Variants in TRUB1 observed in about 807,000 individuals in gnomAD.
TRUB1 encodes the protein TruB pseudouridine synthase family member 1, also known as pseudouridylate synthase TRUB1.
Under a neutral mutation model 33.9 loss-of-function variants are expected in TRUB1, and 23 were observed. The ratio of observed to expected loss-of-function variants is 0.68; its 90% CI spans 0.49 to 0.96. TRUB1 has a LOEUF of 0.96. Among genes scored for constraint, TRUB1 ranks in the 40% least tolerant of loss-of-function variants. TRUB1 has a pLI of 0.00. For missense variants in TRUB1, 378 were observed against 422.2 expected, an observed-to-expected ratio of 0.90 and a Z score of 0.92; for synonymous variants, 163 against 165.4, an observed-to-expected ratio of 0.99 and a Z score of 0.11.
chr10:114,976,112 A>C lies in TRUB1; in HGVS notation c.*733A>C, dbSNP rs1274801313. 1 of 152,616 alleles carries C rather than the reference A, an allele frequency of 6.6e-6. No individual in the cohort carries two copies. The highest frequency in any genetic ancestry group is 1.5e-5 in the Non-Finnish European group (1 of 68,014). The allele number at this position is 152,616 out of a possible 1,614,324, so 9.5% of individuals were successfully genotyped here. On this transcript the variant is annotated 3_prime_UTR_variant, in exon 8 of 8. Coordinates refer to ENST00000298746, the MANE Select transcript of TRUB1 (RefSeq NM_139169.5). ...GCAGCTATGAGATATTTTCATGGTA[A>C]TGTCAACATGGTCAAGCACTTTGTA...
chr10:114,951,919 T>A (rs565084343), intron 3 of TRUB1, among the ~76,000 whole-genome samples: 1 of 152,208 alleles, frequency 6.6e-6, no homozygotes, highest in Non-Finnish European at 1.5e-5. Flanking sequence ...GTGATATAAA[T>A]TGTTGATAAA....
chr10:114,972,632 C>T lies in TRUB1; in HGVS notation c.736+358C>T, dbSNP rs189268371. On this transcript the variant is annotated intron_variant, in intron 6 of 7. Coordinates refer to ENST00000298746, the MANE Select transcript of TRUB1 (RefSeq NM_139169.5). ...TATTATCTTTTGGATGCTTTTCCTCCCATTTTGGCTAGTACCTAATACATT... is the reference window on the plus strand; with the variant it reads ...TATTATCTTTTGGATGCTTTTCCTCTCATTTTGGCTAGTACCTAATACATT... Among the ~76,000 whole-genome samples, 931 of 152,082 alleles carry T rather than the reference C, an allele frequency of 6.1e-3. 5 individuals carry two copies. The highest frequency in any genetic ancestry group is 0.011 in the South Asian group (51 of 4,790).
intron 2 of TRUB1, among the ~76,000 whole-genome samples, chr10:114,945,407 A>G (rs531902297): frequency 1.3e-5 from 2 of 152,322 alleles, no homozygotes; most frequent in Admixed American, 6.5e-5. Context: ...ACTGTTTTCC[A>G]GGCATGGCAC....
intron 3 of TRUB1, among the ~76,000 whole-genome samples, chr10:114,954,335 G>A (rs2084251909): frequency 6.6e-6 from 1 of 152,098 alleles, no homozygotes; most frequent in Non-Finnish European, 1.5e-5. Flanking sequence ...ATTGAACATG[G>A]CCTAACATTT....
chr10:114,976,503 C>T lies in TRUB1; in HGVS notation c.*1124C>T, dbSNP rs1394986930. 6.6e-6 allele frequency: 1 copy of T among 152,098 alleles called. No individual in the cohort carries two copies. The highest frequency in any genetic ancestry group is 1.9e-4 in the East Asian group (1 of 5,202). The allele number at this position is 152,098 out of a possible 1,614,324, so 9.4% of individuals were successfully genotyped here. ...GAAAGCAATATATTATGCAGCCAGTCTGTAGAAACATTCAGATCCCTCTTC... is the reference window on the plus strand; with the variant it reads ...GAAAGCAATATATTATGCAGCCAGTTTGTAGAAACATTCAGATCCCTCTTC... On this transcript the variant is annotated 3_prime_UTR_variant, in exon 8 of 8. Transcript: ENST00000298746.
intron 1 of TRUB1, among the ~76,000 whole-genome samples, chr10:114,940,957 T>C (rs1306189565): frequency 6.6e-6 from 1 of 152,164 alleles, no homozygotes; most frequent in Non-Finnish European, 1.5e-5. Context: ...CCAGAGACCA[T>C]GGTTCTGACT....
At chr10:114,958,013 GC>G (rs1413063595) in intron 3 of TRUB1, among the ~76,000 whole-genome samples, 2 of 152,126 alleles carry the variant, frequency 1.3e-5, no homozygotes, top group South Asian at 4.1e-4. Flanking sequence ...ATTTACCAGG[GC>G]TAGATATTGT....
At chr10:114,957,389 C>G (rs1030258088) in intron 3 of TRUB1, among the ~76,000 whole-genome samples, 3 of 152,186 alleles carry the variant, frequency 2.0e-5, no homozygotes, top group African/African-American at 7.2e-5. Flanking sequence ...TACACTGTAA[C>G]CTCTTAGAGG....
At chr10:114,945,668 GT>G (rs1302357577) in intron 2 of TRUB1, among the ~76,000 whole-genome samples, 1 of 152,068 alleles carries the variant, frequency 6.6e-6, no homozygotes, top group African/African-American at 2.4e-5. Flanking sequence ...AACATCATGA[GT>G]TTTTTTGTGA....
chr10:114,973,293 G>GA (rs749449341), intron 6 of TRUB1, among the ~76,000 whole-genome samples: 3 of 152,132 alleles, frequency 2.0e-5, no homozygotes, highest in Non-Finnish European at 2.9e-5. Context: ...ATGAAAGCAA[G>GA]AAAAAACTCA....
rs570417032 is a variant in TRUB1 at position 114,975,408 on chromosome 10, A to G, written c.*29A>G. Reference sequence around the variant, plus strand: ...TGGCCTGGGAATATCATCATTTTCTAGTTGACATTTGAATCCTGTGTGCAG... The same window carrying G: ...TGGCCTGGGAATATCATCATTTTCTGGTTGACATTTGAATCCTGTGTGCAG... On this transcript the variant is annotated 3_prime_UTR_variant, in exon 8 of 8. Transcript: ENST00000298746. 2 of 1,512,580 alleles carry G rather than the reference A, an allele frequency of 1.3e-6. No individual in the cohort carries two copies. Among genetic ancestry groups the G allele is most frequent in the East Asian group, 4.6e-5 (2 of 43,332 alleles). 93.7% of individuals were successfully genotyped at this position (1,512,580 alleles called of 1,614,324 possible). A position where few individuals can be genotyped will look rare whatever the true frequency, so the allele number is the denominator to read the frequency against.
chr10:114,954,629 GATC>G (rs2084253779), intron 3 of TRUB1, among the ~76,000 whole-genome samples: 1 of 150,312 alleles, frequency 6.7e-6, no homozygotes, highest in South Asian at 2.1e-4. Context: ...TTCTGCCAGT[GATC>G]ATATTTCTCA....
intron 1 of TRUB1, among the ~76,000 whole-genome samples, chr10:114,940,560 G>A (rs971725788): frequency 2.0e-5 from 3 of 152,022 alleles, no homozygotes; most frequent in Admixed American, 1.3e-4. Context: ...TTGTCTGTTG[G>A]GATCCTTCAA....
At chr10:114,943,550 AAC>A (rs1564697106) in intron 2 of TRUB1, among the ~76,000 whole-genome samples, 1 of 151,990 alleles carries the variant, frequency 6.6e-6, no homozygotes, top group Non-Finnish European at 1.5e-5. Context: ...AACAAAACAA[AAC>A]ACAGCTTTGG....
intron 3 of TRUB1, among the ~76,000 whole-genome samples, chr10:114,955,693 G>A (rs1275166591): frequency 6.6e-6 from 1 of 152,090 alleles, no homozygotes; most frequent in Non-Finnish European, 1.5e-5. Flanking sequence ...TCTAAAGTGT[G>A]GCTTGAGTAA....
intron 4 of TRUB1, among the ~76,000 whole-genome samples, chr10:114,967,209 C>G (rs1333458216): frequency 2.6e-5 from 4 of 152,158 alleles, no homozygotes; most frequent in Admixed American, 6.6e-5. Flanking sequence ...TGACGTTCCC[C>G]TCTCTGTCCC....
chr10:114,964,937 T>G (rs2084300694), intron 4 of TRUB1, among the ~76,000 whole-genome samples: 1 of 149,690 alleles, frequency 6.7e-6, no homozygotes, highest in Non-Finnish European at 1.5e-5. Context: ...TAGGTTTTTT[T>G]TTTTTTTTTT....
chr10:114,972,094 G>C (rs1260524906), intron 5 of TRUB1, 41 bp from the exon 6 acceptor site: 1 of 1,605,342 alleles, frequency 6.2e-7, no homozygotes, highest in Admixed American at 1.7e-5. Flanking sequence ...CTCAATTCTT[G>C]CTCTCCTTTC....
chr10:114,940,966 C>T (rs2084183902), intron 1 of TRUB1, among the ~76,000 whole-genome samples: 1 of 152,186 alleles, frequency 6.6e-6, no homozygotes, highest in Non-Finnish European at 1.5e-5. Flanking sequence ...ATGGTTCTGA[C>T]TCAGTAGAGT....
Sources: gnomAD v4.1 joint callset for allele counts (sites outside exome capture counted in the v4.1 genomes callset) on GRCh38, gnomAD v4.1.1 for gene constraint, MANE v1.5 for transcripts, NCBI Gene and HGNC (gene_info 2026-07-23, HGNC 2026-07-21) for gene names.